The following DNAL4 variants were observed in gnomAD, a reference collection of about 807,000 sequenced individuals.
DNAL4 encodes the protein dynein axonemal light chain 4.
A neutral mutation model predicts 12.6 loss-of-function variants in DNAL4; 10 were observed. That is an observed-to-expected ratio of 0.79 (90% confidence interval 0.49 to 1.34). The LOEUF (loss-of-function observed/expected upper bound fraction) is 1.34, where lower values mean the gene tolerates loss of function less well. Among genes scored for constraint, DNAL4 ranks in the 40% most tolerant of loss-of-function variants. The pLI, the probability that DNAL4 is intolerant of heterozygous loss-of-function variation, is 0.00. For synonymous variants in DNAL4, 46 were observed against 53.1 expected (o/e 0.87, Z 0.58); for missense variants, 128 against 138.1 (o/e 0.93, Z 0.37).
At chr22:38,790,179 A>C (rs1208400722) in intron 1 of DNAL4, among the ~76,000 whole-genome samples, 4 of 151,552 alleles carry the variant, frequency 2.6e-5, no homozygotes, top group African/African-American at 7.3e-5. Context: ...TTTCATAGTG[A>C]ATGGGAAGCC....
rs2093035813 is a variant in DNAL4, at chr22:38,782,525, C to T, written c.69+138G>A. 1.3e-5 allele frequency: 10 copies of T among 779,130 alleles called. No homozygotes were observed. In the East Asian group the frequency reaches 1.7e-4, roughly 13 times the overall value. The allele number at this position is 779,130 out of a possible 1,614,324, so 48.3% of individuals were successfully genotyped here. On this transcript the variant is annotated intron_variant, in intron 2 of 3. Coordinates refer to ENST00000216068, the MANE Select transcript of DNAL4 (RefSeq NM_005740.3). The surrounding 1 kb of genome is among the most constrained non-coding windows in gnomAD (Gnocchi z 5.1). ...TGAAACAATGAATCACTGTCAACTC[C>T]AAGATGTCTAGGTCTGAGCCAGCAG...
chr22:38,793,079 T>C (rs2146172170), intron 1 of DNAL4, among the ~76,000 whole-genome samples: 1 of 152,344 alleles, frequency 6.6e-6, no homozygotes, highest in Non-Finnish European at 1.5e-5. Context: ...GTCAGCTCCA[T>C]TATAACCTTA....
chr22:38,781,250 G>T (rs2093033863), intron 2 of DNAL4, among the ~76,000 whole-genome samples: 1 of 152,254 alleles, frequency 6.6e-6, no homozygotes, highest in Non-Finnish European at 1.5e-5. Flanking sequence ...CCAGCACCAG[G>T]TTCCAGCCAA....
intron 2 of DNAL4, among the ~76,000 whole-genome samples, chr22:38,781,851 C>T (rs1011939436): frequency 2.0e-5 from 3 of 152,188 alleles, no homozygotes; most frequent in African/African-American, 7.2e-5. Context: ...CACTCTACTC[C>T]GTGAGCCGCA....
rs1260441411 is a variant in DNAL4, at chr22:38,779,071, T to A, written c.*378A>T. The A allele has an allele frequency of 2.8e-5, 5 of 175,952 alleles. No homozygotes were observed. Among genetic ancestry groups the A allele is most frequent in the Admixed American group, 1.8e-4 (3 of 16,312 alleles). The allele number at this position is 175,952 out of a possible 1,614,324, so 10.9% of individuals were successfully genotyped here. On this transcript the variant is annotated 3_prime_UTR_variant, in exon 4 of 4. Coordinates refer to ENST00000216068, the MANE Select transcript of DNAL4 (RefSeq NM_005740.3). This position sits in a 1 kb window ranked among gnomAD's most constrained non-coding sequence, Gnocchi z 4.3. ...GACGGCCGACACTTCCCGGCAGTAC[T>A]GGGGATGGCAGGGCAGTGGGGCTCC...
chr22:38,790,355 T>C (rs546576817), intron 1 of DNAL4, among the ~76,000 whole-genome samples: 2 of 152,266 alleles, frequency 1.3e-5, no homozygotes, highest in South Asian at 2.1e-4. Context: ...ATGGAGACGA[T>C]GTGAGCTCTG....
Position 38,784,029 on chromosome 22 carries a change from C to T in DNAL4, c.-139-1159G>A, listed in dbSNP as rs1448625703. ...GATACAAATCACCAGGTTGTTAAGC[C>T]CTTTTTAATGATTTATATTAGACAA... On this transcript the variant is annotated intron_variant, in intron 1 of 3. Coordinates refer to ENST00000216068, the MANE Select transcript of DNAL4 (RefSeq NM_005740.3). 5.9e-5 allele frequency among the ~76,000 whole-genome samples: 9 copies of T among 152,010 alleles called. No homozygotes were observed. In the South Asian group the frequency reaches 1.9e-3, roughly 31 times the overall value.
At chr22:38,786,455 A>C (rs1235141670) in intron 1 of DNAL4, among the ~76,000 whole-genome samples, 2 of 152,220 alleles carry the variant, frequency 1.3e-5, no homozygotes, top group Non-Finnish European at 2.9e-5. Flanking sequence ...GCTACTGGGG[A>C]GGCTGAGGCA....
intron 2 of DNAL4, among the ~76,000 whole-genome samples, chr22:38,781,314 G>A (rs1168060786): frequency 6.6e-6 from 1 of 152,266 alleles, no homozygotes; most frequent in Admixed American, 6.5e-5. Flanking sequence ...CTATGGAAGT[G>A]TGTTCCGACG....
chr22:38,784,429 G>T (rs2093039067), intron 1 of DNAL4, among the ~76,000 whole-genome samples: 2 of 151,986 alleles, frequency 1.3e-5, no homozygotes, highest in East Asian at 3.9e-4. Flanking sequence ...TACATCAGCT[G>T]CCCACTGGGA....
At chr22:38,791,354 T>A (rs1426895545) in intron 1 of DNAL4, among the ~76,000 whole-genome samples, 3 of 150,972 alleles carry the variant, frequency 2.0e-5, no homozygotes, top group South Asian at 4.1e-4. Flanking sequence ...TTTTAATTTT[T>A]ATTTTATTTT....
Position 38,779,152 on chromosome 22 carries a change from G to A in DNAL4, c.*297C>T, listed in dbSNP as rs913281552. On this transcript the variant is annotated 3_prime_UTR_variant, in exon 4 of 4. Transcript: ENST00000216068. This position sits in a 1 kb window ranked among gnomAD's most constrained non-coding sequence, Gnocchi z 4.3. ...AAGGGGGACTGGCGTGTTCCTGTGC[G>A]GAAGATCTCATCTCCCACCTCCTCT... is the stretch of plus-strand genomic sequence containing the variant. 9.0e-5 allele frequency: 23 copies of A among 256,796 alleles called. No homozygotes were observed. The Admixed American group carries it at 1.0e-3, about 11-fold the overall frequency. The allele number at this position is 256,796 out of a possible 1,614,324, so 15.9% of individuals were successfully genotyped here.
At chr22:38,790,973 G>A (rs1479603613) in intron 1 of DNAL4, among the ~76,000 whole-genome samples, 1 of 152,116 alleles carries the variant, frequency 6.6e-6, no homozygotes, top group African/African-American at 2.4e-5. Flanking sequence ...TTCGAGACCA[G>A]CCTGGCCAAC....
intron 1 of DNAL4, among the ~76,000 whole-genome samples, chr22:38,792,961 A>G (rs1342653762): frequency 1.3e-5 from 2 of 152,336 alleles, no homozygotes; most frequent in African/African-American, 2.4e-5. Context: ...GCTATATTTT[A>G]TATGACTGGC....
intron 1 of DNAL4, among the ~76,000 whole-genome samples, chr22:38,793,757 G>C (rs533511989): frequency 6.6e-6 from 1 of 152,182 alleles, no homozygotes; most frequent in African/African-American, 2.4e-5. Context: ...AAAGGTCGAG[G>C]GATCAAGGTG....
chr22:38,786,325 G>A (rs1233043134), intron 1 of DNAL4, among the ~76,000 whole-genome samples: 2 of 152,168 alleles, frequency 1.3e-5, no homozygotes, highest in Non-Finnish European at 2.9e-5. Flanking sequence ...TTGGGAGGCC[G>A]AGGTGGGTGG....
At chr22:38,784,316 C>T (rs2093038877) in intron 1 of DNAL4, among the ~76,000 whole-genome samples, 2 of 152,084 alleles carry the variant, frequency 1.3e-5, no homozygotes, top group Non-Finnish European at 1.5e-5. Flanking sequence ...AGCTCGTTAG[C>T]GACACAGCTA....
At chr22:38,780,314 T>C (rs2093032358) in intron 3 of DNAL4, among the ~76,000 whole-genome samples, 1 of 152,174 alleles carries the variant, frequency 6.6e-6, no homozygotes, top group Non-Finnish European at 1.5e-5. Context: ...ACCCTCCATT[T>C]AAGGACTAGG....
chr22:38,781,196 G>A (rs1342317172), intron 2 of DNAL4, among the ~76,000 whole-genome samples, 187 bp from the exon 3 acceptor site: 2 of 152,246 alleles, frequency 1.3e-5, no homozygotes, highest in African/African-American at 4.8e-5. Flanking sequence ...ATGGAGCTGA[G>A]CCTCGTGGGC....
Sources: allele counts gnomAD v4.1 joint callset (sites outside exome capture counted in the v4.1 genomes callset), GRCh38; gene constraint gnomAD v4.1.1; non-coding constraint Gnocchi (gnomAD v3.1); transcripts MANE v1.5; gene names NCBI Gene and HGNC (gene_info 2026-07-23, HGNC 2026-07-21).